The following KAT7 variants were observed in gnomAD, a reference collection of about 807,000 sequenced individuals.
The protein encoded by KAT7 is lysine acetyltransferase 7.
Under a neutral mutation model 82.1 loss-of-function variants are expected in KAT7, and 10 were observed. The ratio of observed to expected loss-of-function variants is 0.12; its 90% confidence interval spans 0.08 to 0.21. The LOEUF (loss-of-function observed/expected upper bound fraction) is 0.21, where lower values mean the gene tolerates loss of function less well. KAT7 is among the 10% of genes least tolerant of loss of function. The pLI is 1.00. For missense variants in KAT7, 378 were observed against 760.9 expected, an observed-to-expected ratio of 0.50 and a Z score of 5.92; for synonymous variants, 250 against 262.5, an observed-to-expected ratio of 0.95 and a Z score of 0.46.
At chr17:49,824,885 C>G (rs971754060) in intron 12 of KAT7, 6 of 151,500 alleles carry the variant, frequency 4.0e-5, no homozygotes, top group Non-Finnish European at 8.8e-5. Context: ...TTTCACTTGC[C>G]ATTATTTTGG....
intron 7 of KAT7, among the ~76,000 whole-genome samples, chr17:49,813,000 CTTTTTT>C (rs34339283): frequency 2.9e-5 from 3 of 102,796 alleles, no homozygotes; most frequent in Non-Finnish European, 3.9e-5. Context: ...TGCACCCAGC[CTTTTTT>C]TTTTTTTTTT....
intron 1 of KAT7, chr17:49,789,177 G>T (rs2143822024): frequency 4.2e-6 from 1 of 237,986 alleles, no homozygotes; most frequent in East Asian, 8.2e-5. Flanking sequence ...CGGGGGCGGT[G>T]TCTGGCCCCG....
In KAT7 at chr17:49,827,602, A is replaced by G. The variant is rs892205278; in HGVS notation, c.*100A>G. 1 of 761,936 alleles carries G rather than the reference A, an allele frequency of 1.3e-6. No individual in the cohort carries two copies. Among genetic ancestry groups the G allele is most frequent in the Non-Finnish European group, 2.3e-6 (1 of 434,048 alleles). The allele number at this position is 761,936 out of a possible 1,614,324, so 47.2% of individuals were successfully genotyped here. A position where few individuals can be genotyped will look rare whatever the true frequency, so the allele number is the denominator to read the frequency against. ...TGTTGCTCTTGTGATTGGCAAGTAC[A>G]GTATCCTTTGGGAAGGCCATCCCCC... On this transcript the variant is annotated 3_prime_UTR_variant, in exon 15 of 15. Transcript: ENST00000259021.
At position 49,834,812 on chromosome 17, in the gene KAT7, A is replaced by C. The variant is rs534851053; in HGVS notation, c.*7310A>C. The C allele has an allele frequency of 6.6e-6, 1 of 152,140 alleles. No individual in the cohort carries two copies. The highest frequency in any genetic ancestry group is 2.4e-5 in the African/African-American group (1 of 41,436). 9.4% of individuals were successfully genotyped at this position (152,140 alleles called of 1,614,324 possible). A position where few individuals can be genotyped will look rare whatever the true frequency, so the allele number is the denominator to read the frequency against. ...GATCACTTGAGCCCAGGAGTTCGAG[A>C]CCAGCCTGGGCAACATAGGGAGACC... On this transcript the variant is annotated 3_prime_UTR_variant, in exon 15 of 15. Coordinates refer to ENST00000259021, the MANE Select transcript of KAT7 (RefSeq NM_007067.5).
rs1388767199 is a variant in KAT7, at chr17:49,798,452, C to T, written c.474C>T (p.Ser158=). 3 of 1,614,056 alleles carry T rather than the reference C, an allele frequency of 1.9e-6. No homozygotes were observed. Among genetic ancestry groups the T allele is most frequent in the Non-Finnish European group, 2.5e-6 (3 of 1,180,016 alleles). ...SHDESIAKDM[S]LKDSGSDLSH... ...ATGAGAGCATTGCCAAGGACATGTC[C>T]CTGAAGGACTCAGGCAGTGATCTCT... The change falls in exon 4 of 15, where the codon TCC becomes TCT. Residue 158 remains serine, a synonymous_variant. Transcript: ENST00000259021.
Position 49,809,128 on chromosome 17 carries a change from C to T in KAT7, c.673C>T (p.Gln225Ter). 1 of 1,613,942 alleles carries T rather than the reference C, an allele frequency of 6.2e-7. No homozygotes were observed. Among genetic ancestry groups the T allele is most frequent in the Non-Finnish European group, 8.5e-7 (1 of 1,179,874 alleles). Reference sequence around the variant, plus strand: ...TTGTTGATGGTTGCAGGTGAGAGCACAGAGCCGGGATAAGCAGATAGAAGA... The same window carrying T: ...TTGTTGATGGTTGCAGGTGAGAGCATAGAGCCGGGATAAGCAGATAGAAGA... ...LSADECKVRA[Q>*]SRDKQIEERM... is the part of the protein sequence containing the mutation. The change falls in exon 6 of 15, where the codon CAG (glutamine) becomes TAG (stop). Residue 225 changes from glutamine to a stop codon, truncating the protein, a stop_gained. Transcript: ENST00000259021. LOFTEE classifies it high-confidence loss of function.
At chr17:49,805,525 A>T in intron 5 of KAT7, 80 bp downstream of exon 5, 1 of 878,492 alleles carries the variant, frequency 1.1e-6, no homozygotes, top group Non-Finnish European at 1.9e-6. Context: ...CACTGGGGAT[A>T]CAGTGGCCAA....
chr17:49,795,030 C>T (rs2073937982), intron 2 of KAT7, among the ~76,000 whole-genome samples: 1 of 149,646 alleles, frequency 6.7e-6, no homozygotes, highest in South Asian at 2.1e-4. Flanking sequence ...TTTAAATATA[C>T]GTTGGGGGGT....
rs1444400605 is a variant in KAT7, at chr17:49,833,730, C to T, written c.*6228C>T. On this transcript the variant is annotated 3_prime_UTR_variant, in exon 15 of 15. Coordinates refer to ENST00000259021, the MANE Select transcript of KAT7 (RefSeq NM_007067.5). ...CCAGACTCCCAGCTGAACGCACCCT[C>T]ATGAGTGGCCCTTGCTGGTACCACA... is the stretch of plus-strand genomic sequence containing the variant. The T allele has an allele frequency of 6.6e-6, 1 of 152,278 alleles. No individual in the cohort carries two copies. Among genetic ancestry groups the T allele is most frequent in the East Asian group, 1.9e-4 (1 of 5,204 alleles). The allele number at this position is 152,278 out of a possible 1,614,324, so 9.4% of individuals were successfully genotyped here. A position where few individuals can be genotyped will look rare whatever the true frequency, so the allele number is the denominator to read the frequency against.
chr17:49,816,418 A>G (rs1270184599), intron 8 of KAT7, among the ~76,000 whole-genome samples: 1 of 151,754 alleles, frequency 6.6e-6, no homozygotes, highest in East Asian at 1.9e-4. Context: ...TTCCATTCTG[A>G]TATTTATTTA....
rs1160570597 is a variant in KAT7, at chr17:49,815,823, G to A, written c.873G>A (p.Gly291=). ...CCTAGGAACACAGACAGACCTATGG[G>A]AACACACGGGAACCTCTTTTAGAAA... ...EKYMEHRQTY[G]NTREPLLENL... The change falls in exon 8 of 15, where the codon GGG becomes GGA. Residue 291 remains glycine (G), a synonymous_variant. Transcript: ENST00000259021. The A allele has an allele frequency of 6.2e-7, 1 of 1,610,576 alleles. No individual in the cohort carries two copies. The highest frequency in any genetic ancestry group is 8.5e-7 in the Non-Finnish European group (1 of 1,177,652).
At chr17:49,793,597 A>AT (rs1433903831) in intron 2 of KAT7, among the ~76,000 whole-genome samples, 1 of 140,398 alleles carries the variant, frequency 7.1e-6, no homozygotes, top group Non-Finnish European at 1.5e-5. Context: ...TTTTTTTGAG[A>AT]TGGAGTCTAG....
Position 49,831,640 on chromosome 17 carries a change from T to A in KAT7, c.*4138T>A, listed in dbSNP as rs1054177491. The A allele has an allele frequency of 1.3e-5, 2 of 152,126 alleles. No individual in the cohort carries two copies. Among genetic ancestry groups the A allele is most frequent in the African/African-American group, 4.8e-5 (2 of 41,400 alleles). The allele number at this position is 152,126 out of a possible 1,614,324, so 9.4% of individuals were successfully genotyped here. A position where few individuals can be genotyped will look rare whatever the true frequency, so the allele number is the denominator to read the frequency against. ...TTCCATGCTATTTTCCCATTTCTTATCTGGGGATAATGAGTCATATTAAGT... is the reference window on the plus strand; with the variant it reads ...TTCCATGCTATTTTCCCATTTCTTAACTGGGGATAATGAGTCATATTAAGT... On this transcript the variant is annotated 3_prime_UTR_variant, in exon 15 of 15. Coordinates refer to ENST00000259021, the MANE Select transcript of KAT7 (RefSeq NM_007067.5).
intron 4 of KAT7, among the ~76,000 whole-genome samples, chr17:49,802,105 CA>C (rs1310733288): frequency 6.6e-6 from 1 of 152,124 alleles, no homozygotes; most frequent in Admixed American, 6.5e-5. Context: ...TTAAAAGATA[CA>C]GAGAATTTCA....
At position 49,796,737 on chromosome 17, in the gene KAT7, A is replaced by G. The variant is rs2073961199; in HGVS notation, c.164-13A>G. 6.5e-7 allele frequency: 1 copy of G among 1,529,844 alleles called. No homozygotes were observed. Among genetic ancestry groups the G allele is most frequent in the Admixed American group, 2.0e-5 (1 of 50,312 alleles). The allele number at this position is 1,529,844 out of a possible 1,614,324, so 94.8% of individuals were successfully genotyped here. On this transcript the variant is annotated splice_polypyrimidine_tract_variant and intron_variant, in intron 2 of 14. Transcript: ENST00000259021. ...CATCTTTTTTCTTTATTTTCTTTTA[A>G]AATTGGGATCAGATTCCAGTCCTGT...
intron 5 of KAT7, among the ~76,000 whole-genome samples, chr17:49,807,077 A>G (rs981958509): frequency 6.6e-6 from 1 of 152,230 alleles, no homozygotes; most frequent in African/African-American, 2.4e-5. Flanking sequence ...ATTTGTATTC[A>G]GTCATATATT....
intron 4 of KAT7, among the ~76,000 whole-genome samples, chr17:49,800,294 AGCCACCACGCCTG>A (rs2074008974): frequency 6.6e-6 from 1 of 152,248 alleles, no homozygotes; most frequent in South Asian, 2.1e-4. Flanking sequence ...TACAGGCATG[AGCCACCACGCCTG>A]GCCATTTCCT....
At chr17:49,817,153 T>C (rs920251983) in intron 8 of KAT7, among the ~76,000 whole-genome samples, 1 of 152,222 alleles carries the variant, frequency 6.6e-6, no homozygotes, top group Admixed American at 6.5e-5. Context: ...AATCAAGTTT[T>C]TTGTTTAGTT....
chr17:49,826,677 A>T lies in KAT7; in HGVS notation c.1628-16A>T. On this transcript the variant is annotated splice_polypyrimidine_tract_variant and intron_variant, in intron 13 of 14. Transcript: ENST00000259021. ...CCTGCACTTTGGCCAGGTTGTCAGTACTTCTTCTGTTTCAGAAATCAGTCA... is the reference window on the plus strand; with the variant it reads ...CCTGCACTTTGGCCAGGTTGTCAGTTCTTCTTCTGTTTCAGAAATCAGTCA... 1 of 1,587,096 alleles carries T rather than the reference A, an allele frequency of 6.3e-7. No homozygotes were observed. The highest frequency in any genetic ancestry group is 8.6e-7 in the Non-Finnish European group (1 of 1,157,464).
Sources: allele counts gnomAD v4.1 joint callset (sites outside exome capture counted in the v4.1 genomes callset), GRCh38; gene constraint gnomAD v4.1.1; transcripts MANE v1.5; gene names NCBI Gene and HGNC (gene_info 2026-07-23, HGNC 2026-07-21).